MME: variants seen among roughly 807,000 people sequenced by gnomAD.
MME encodes the protein neprilysin.
A neutral mutation model predicts 113.2 loss-of-function variants in MME; 98 were observed. That is an observed-to-expected ratio of 0.87 (90% CI 0.74 to 1.02). The LOEUF is 1.02. MME is among the 50% of genes least tolerant of loss of function. MME has a pLI of 0.00. For synonymous variants in MME, 292 were observed against 300.6 expected, an observed-to-expected ratio of 0.97 and a Z score of 0.30; for missense variants, 836 against 896.0, an observed-to-expected ratio of 0.93 and a Z score of 0.86.
At chr3:155,131,443 A>G (rs1034850785) in intron 8 of MME, among the ~76,000 whole-genome samples, 6 of 152,184 alleles carry the variant, frequency 3.9e-5, no homozygotes, top group African/African-American at 1.4e-4. Context: ...CCAAGTGACT[A>G]ATAGTCAGAA....
intron 8 of MME, among the ~76,000 whole-genome samples, chr3:155,133,806 A>G (rs1415094007): frequency 6.8e-6 from 1 of 147,122 alleles, no homozygotes; most frequent in Non-Finnish European, 1.5e-5. Flanking sequence ...ATTTTCCAAT[A>G]TCAATTTTCC....
chr3:155,063,231 A>T (rs1201945258), intron 1 of MME, among the ~76,000 whole-genome samples: 1 of 118,448 alleles, frequency 8.4e-6, no homozygotes, highest in Non-Finnish European at 1.6e-5. Flanking sequence ...TATGTATATT[A>T]TTATATATTA....
intron 3 of MME, among the ~76,000 whole-genome samples, chr3:155,099,971 C>A (rs548928721): frequency 6.6e-6 from 1 of 152,248 alleles, no homozygotes; most frequent in East Asian, 1.9e-4. Flanking sequence ...GAGGCAATAC[C>A]ATTCAGGACA....
chr3:155,042,936 A>G (rs190380633), intron 1 of MME, among the ~76,000 whole-genome samples: 3,899 of 38,436 alleles, frequency 0.1, 88 homozygotes, highest in South Asian at 0.14. Context: ...ATATATATAT[A>G]TATGTATATA....
At chr3:155,039,487 G>T (rs1201132388) in intron 1 of MME, among the ~76,000 whole-genome samples, 6 of 152,132 alleles carry the variant, frequency 3.9e-5, no homozygotes, top group Non-Finnish European at 8.8e-5. Flanking sequence ...TACTGAATAA[G>T]TACCCTTCAT....
intron 1 of MME, among the ~76,000 whole-genome samples, chr3:155,069,593 A>C (rs1252025204): frequency 1.3e-5 from 2 of 152,182 alleles, no homozygotes; most frequent in Non-Finnish European, 2.9e-5. Context: ...CCTTGTTATA[A>C]TGTGAAATTT....
chr3:155,159,898 A>G (rs1472305845), intron 16 of MME, among the ~76,000 whole-genome samples: 1 of 152,068 alleles, frequency 6.6e-6, no homozygotes, highest in Non-Finnish European at 1.5e-5. Context: ...GAGACATATT[A>G]CTCTAAGACA....
At chr3:155,138,260 T>C in intron 9 of MME, 24 bp downstream of exon 9, 1 of 1,609,996 alleles carries the variant, frequency 6.2e-7, no homozygotes, top group Non-Finnish European at 8.5e-7. Context: ...TTTTTTCTGA[T>C]ACACTGAATA....
chr3:155,063,245 A>ATATGTGTATTT (rs1246280068), intron 1 of MME, among the ~76,000 whole-genome samples: 10 of 117,356 alleles, frequency 8.5e-5, no homozygotes, highest in African/African-American at 2.7e-4. Context: ...TATATTATAT[A>ATATGTGTATTT]ATAATATACA....
intron 1 of MME, among the ~76,000 whole-genome samples, chr3:155,065,378 T>C (rs531589446): frequency 6.6e-6 from 1 of 152,298 alleles, no homozygotes; most frequent in South Asian, 2.1e-4. Flanking sequence ...GGCTAGCATA[T>C]GTGTGTACTT....
At chr3:155,130,321 A>G (rs1720037857) in intron 8 of MME, among the ~76,000 whole-genome samples, 1 of 152,222 alleles carries the variant, frequency 6.6e-6, no homozygotes, top group Non-Finnish European at 1.5e-5. Flanking sequence ...ATACATCCAC[A>G]AAACATTTCT....
chr3:155,106,311 G>T (rs2108228799), intron 3 of MME, among the ~76,000 whole-genome samples: 1 of 152,286 alleles, frequency 6.6e-6, no homozygotes, highest in East Asian at 1.9e-4. Flanking sequence ...TGAGTTAAAT[G>T]ATAAACTAGC....
chr3:155,118,802 C>G lies in MME; in HGVS notation c.711C>G (p.Ile237Met), dbSNP rs745768263. 4.4e-6 allele frequency: 7 copies of G among 1,595,072 alleles called. No individual in the cohort carries two copies. Among genetic ancestry groups the G allele is most frequent in the Middle Eastern group, 1.7e-4 (1 of 6,034 alleles). ...GAGATTACTATGAATGCACTGGAATCTATAAAGAGGTAAAAAGAAAAAAAA... is the reference window on the plus strand; with the variant it reads ...GAGATTACTATGAATGCACTGGAATGTATAAAGAGGTAAAAAGAAAAAAAA... ...PSRDYYECTG[I>M]YKEACTAYVD... Residue 237 changes from isoleucine to methionine, a missense_variant, in exon 8 of 23, where the codon ATC becomes ATG. Ile to Met is a conservative substitution (Grantham distance 10, BLOSUM62 1). Transcript: ENST00000360490.
At chr3:155,079,077 A>G (rs1301181406), upstream of MME, among the ~76,000 whole-genome samples, 2 of 151,998 alleles carry the variant, frequency 1.3e-5, no homozygotes, top group Non-Finnish European at 2.9e-5. Context: ...GGGAGCGGAG[A>G]GTTTCAGTTC....
intron 1 of MME, among the ~76,000 whole-genome samples, chr3:155,040,063 G>A (rs1713257762): frequency 6.6e-6 from 1 of 152,108 alleles, no homozygotes; most frequent in African/African-American, 2.4e-5. Flanking sequence ...AAAAACAAAG[G>A]AGATGAACAA....
chr3:155,154,598 G>GA (rs1181873515), intron 16 of MME, among the ~76,000 whole-genome samples: 2 of 152,026 alleles, frequency 1.3e-5, no homozygotes, highest in East Asian at 1.9e-4. Context: ...TGACCCAAGA[G>GA]AAAAAAACAC....
At chr3:155,112,892 A>G (rs1718300244) in intron 3 of MME, 1 of 152,242 alleles carries the variant, frequency 6.6e-6, no homozygotes, top group Non-Finnish European at 1.5e-5. Flanking sequence ...GATTAATCAC[A>G]TCAACAAAAT....
chr3:155,108,756 C>A (rs965019322), intron 3 of MME, among the ~76,000 whole-genome samples: 22 of 151,978 alleles, frequency 1.4e-4, no homozygotes, highest in African/African-American at 5.3e-4. Context: ...GTAGAAATTC[C>A]TTTAAACCCT....
chr3:155,140,231 T>G lies in MME; in HGVS notation c.896T>G (p.Leu299Arg). 1 of 1,612,890 alleles carries G rather than the reference T, an allele frequency of 6.2e-7. No homozygotes were observed. The highest frequency in any genetic ancestry group is 8.5e-7 in the Non-Finnish European group (1 of 1,179,276). Residue 299 changes from leucine (L) to arginine (R), a missense_variant, in exon 10 of 23, where the codon CTG becomes CGG. Leu to Arg is a moderately radical substitution (Grantham distance 102). Coordinates refer to ENST00000360490, the MANE Select transcript of MME (RefSeq NM_007289.4). ...GAAGATCGAAATGATCCAATGCTTC[T>G]GTATAACAAGATGACATTGGCCCAG... is the stretch of plus-strand genomic sequence containing the variant. ...KPEDRNDPML[L>R]YNKMTLAQIQ...
Sources: allele counts gnomAD v4.1 joint callset (sites outside exome capture counted in the v4.1 genomes callset), GRCh38; gene constraint gnomAD v4.1.1; transcripts MANE v1.5; gene names NCBI Gene and HGNC (gene_info 2026-07-23, HGNC 2026-07-21).